Variants in FAT1 observed in about 807,000 individuals in gnomAD.
FAT1 encodes protocadherin Fat 1.
In FAT1, 171 loss-of-function variants were observed where a neutral mutation model predicts 329.8. The observed-to-expected ratio is 0.52, with a 90% confidence interval of 0.46 to 0.59. The LOEUF (loss-of-function observed/expected upper bound fraction) is 0.59. Ranked by LOEUF, FAT1 falls within the 20% of genes least tolerant of loss-of-function variation. The pLI is 0.00. For missense variants in FAT1, 5,672 were observed against 5,774.4 expected, an observed-to-expected ratio of 0.98 and a Z score of 0.57; for synonymous variants, 2,233 against 2,228.6, an observed-to-expected ratio of 1.00 and a Z score of -0.06.
At chr4:186,687,772 A>G (rs964689460) in intron 2 of FAT1, among the ~76,000 whole-genome samples, 2 of 152,350 alleles carry the variant, frequency 1.3e-5, no homozygotes, top group African/African-American at 2.4e-5. Flanking sequence ...TATTCTAAAA[A>G]TCACATTCTT....
intron 2 of FAT1, among the ~76,000 whole-genome samples, chr4:186,704,396 T>C (rs2126678688): frequency 6.6e-6 from 1 of 152,184 alleles, no homozygotes; most frequent in Non-Finnish European, 1.5e-5. Context: ...CTTAAATGTG[T>C]AGGTGAAAAA....
In FAT1 at chr4:186,603,180, G is replaced by T; in HGVS notation, c.11346C>A (p.Cys3782Ter). The part of the protein sequence containing the change: ...PRHHRAAVCL[C>*]KEGRCPPVHH... ...TCATACACTCATGTGCAGTACCTTT[G>T]CAGAGACACACCGCTGCCCTGTGGT... Residue 3782 changes from cysteine to a stop codon, truncating the protein, a stop_gained, in exon 19 of 27, where the codon TGC becomes TGA. Transcript: ENST00000441802. LOFTEE classifies it high-confidence loss of function. The T allele has an allele frequency of 6.2e-7, 1 of 1,613,668 alleles. No individual in the cohort carries two copies. Among genetic ancestry groups the T allele is most frequent in the Non-Finnish European group, 8.5e-7 (1 of 1,179,760 alleles).
intron 1 of FAT1, among the ~76,000 whole-genome samples, chr4:186,718,821 G>A (rs970375483): frequency 6.6e-5 from 10 of 151,806 alleles, no homozygotes; most frequent in Admixed American, 2.0e-4. Flanking sequence ...CTCCCTCTCC[G>A]CCAAACGCTG....
chr4:186,690,229 T>A (rs564545233), intron 2 of FAT1, among the ~76,000 whole-genome samples: 1 of 152,220 alleles, frequency 6.6e-6, no homozygotes, highest in Non-Finnish European at 1.5e-5. Flanking sequence ...AGTTTACTAT[T>A]CATTAGAATG....
chr4:186,600,123 C>T lies in FAT1; in HGVS notation c.11878G>A (p.Gly3960Arg), dbSNP rs776987734. Residue 3960 changes from glycine (G) to arginine (R), a missense_variant, in exon 22 of 27, where the codon GGA becomes AGA. Gly to Arg is a moderately radical substitution (Grantham distance 125). Around this residue, in one of 2 missense-constraint regions of FAT1, gnomAD observed 1,706 missense variants for 1,859.1 expected, o/e 0.92. Transcript: ENST00000441802. The stretch of plus-strand genomic sequence containing the variant: ...TGAGGACTTCTTCCATGCCTTGTTC[C>T]CTGCTGACGGATGTGGCCACCAAAA... ...VFFGGHIRQQ[G>R]TRHGRSPQVG... is the part of the protein sequence containing the mutation. 54 of 1,613,930 alleles carry T rather than the reference C, an allele frequency of 3.3e-5. No individual in the cohort carries two copies. The highest frequency in any genetic ancestry group is 1.6e-4 in the Middle Eastern group (1 of 6,084).
In FAT1 at chr4:186,661,373, A is replaced by G. The variant is rs551496119; in HGVS notation, c.3580+1926T>C. Among the ~76,000 whole-genome samples, 31 of 152,358 alleles carry G rather than the reference A, an allele frequency of 2.0e-4. No individual in the cohort carries two copies. The South Asian group carries it at 6.4e-3, about 32-fold the overall frequency. ...GCGGAAACGCTGCAGACAGAGGCCA[A>G]GAACAATCTCAAGAGACAGGCCTTT... is the stretch of plus-strand genomic sequence containing the variant. On this transcript the variant is annotated intron_variant, in intron 3 of 26. Coordinates refer to ENST00000441802, the MANE Select transcript of FAT1 (RefSeq NM_005245.4).
At chr4:186,671,953 A>C (rs1742751802) in intron 2 of FAT1, among the ~76,000 whole-genome samples, 1 of 152,110 alleles carries the variant, frequency 6.6e-6, no homozygotes, top group Non-Finnish European at 1.5e-5. Flanking sequence ...GGCATTTAAG[A>C]TTCTAAAATG....
chr4:186,663,703 G>A, intron 2 of FAT1, 90 bp from the exon 3 acceptor site: 1 of 981,572 alleles, frequency 1.0e-6, no homozygotes, highest in Non-Finnish European at 1.5e-6. Context: ...CTTACTGAGA[G>A]CTTTATATGT....
Position 186,621,020 on chromosome 4 carries a change from G to T in FAT1, c.5566C>A (p.Arg1856Ser). The change falls in exon 10 of 27, where the codon CGT becomes AGT. Residue 1856 changes from arginine to serine, a missense_variant. By Grantham distance (110) the Arg-to-Ser change is moderately radical. This residue lies in a region of FAT1 where 3,966 missense variants were observed against 3,915.2 expected (regional missense o/e 1.01). Transcript: ENST00000441802. Reference protein sequence around the residue: ...TVQVHDMGTPRLFAEYAANVT... With the variant: ...TVQVHDMGTPSLFAEYAANVT... ...TTCGCTGCATACTCAGCAAATAAACGTGGGGTTCCCATGTCATGCACTTGG... is the reference window on the plus strand; with the variant it reads ...TTCGCTGCATACTCAGCAAATAAACTTGGGGTTCCCATGTCATGCACTTGG... 7 of 1,612,580 alleles carry T rather than the reference G, an allele frequency of 4.3e-6. No individual in the cohort carries two copies. The highest frequency in any genetic ancestry group is 5.9e-6 in the Non-Finnish European group (7 of 1,179,858).
chr4:186,597,912 T>C (rs1738610299), intron 23 of FAT1, 60 bp downstream of exon 23: 10 of 1,572,942 alleles, frequency 6.4e-6, no homozygotes, highest in Admixed American at 1.8e-5. Flanking sequence ...ACATGTACCA[T>C]TATATGTTTA....
intron 25 of FAT1, 69 bp from the exon 26 acceptor site, chr4:186,595,895 A>G: frequency 1.3e-6 from 2 of 1,548,478 alleles, no homozygotes; most frequent in South Asian, 2.3e-5. Context: ...GAATCCTGAG[A>G]CACACCATGC....
At position 186,628,523 on chromosome 4, in the gene FAT1, G is replaced by T. The variant is rs1740434763; in HGVS notation, c.4564C>A (p.His1522Asn). Residue 1522 changes from histidine to asparagine, a missense_variant, in exon 8 of 27, where the codon CAT (histidine) becomes AAT (asparagine). Coordinates refer to ENST00000441802, the MANE Select transcript of FAT1 (RefSeq NM_005245.4). ...GSLYTSEKLDHEAVHQHTLTV... is the reference protein window; with the variant it reads ...GSLYTSEKLDNEAVHQHTLTV... ...AGGGTGTGCTGGTGAACAGCTTCAT[G>T]ATCCAGTTTCTCAGAAGTATAGAGA... 6.2e-7 allele frequency: 1 copy of T among 1,614,026 alleles called. No individual in the cohort carries two copies. The highest frequency in any genetic ancestry group is 8.5e-7 in the Non-Finnish European group (1 of 1,179,888).
At chr4:186,716,435 T>C (rs931772150) in intron 1 of FAT1, among the ~76,000 whole-genome samples, 20 of 152,092 alleles carry the variant, frequency 1.3e-4, no homozygotes, top group African/African-American at 4.6e-4. Context: ...TGCAAGCATC[T>C]TTCTTCCCCC....
At chr4:186,678,007 T>C (rs1047837658) in intron 2 of FAT1, among the ~76,000 whole-genome samples, 6 of 152,196 alleles carry the variant, frequency 3.9e-5, no homozygotes, top group African/African-American at 1.4e-4. Context: ...TAACTTTCTC[T>C]GAGAGCAAAG....
chr4:186,611,884 C>T (rs930993248), intron 13 of FAT1, 109 bp from the exon 14 acceptor site: 17 of 812,412 alleles, frequency 2.1e-5, no homozygotes, highest in African/African-American at 8.9e-5. Context: ...AGTGCAGTGG[C>T]GTGATCTTGG....
Position 186,709,853 on chromosome 4 carries a change from A to G in FAT1, c.-18-8T>C, listed in dbSNP as rs193295735. ...TGCTTAACTGTCGGGAATCTGAAAC[A>G]GAAGAAATCAGAATCGTTACCTTGG... is the stretch of plus-strand genomic sequence containing the variant. On this transcript the variant is annotated splice_polypyrimidine_tract_variant and splice_region_variant and intron_variant, in intron 1 of 26. Coordinates refer to ENST00000441802, the MANE Select transcript of FAT1 (RefSeq NM_005245.4). 1 of 1,565,026 alleles carries G rather than the reference A, an allele frequency of 6.4e-7. No homozygotes were observed. Among genetic ancestry groups the G allele is most frequent in the African/African-American group, 1.3e-5 (1 of 74,118 alleles).
chr4:186,616,166 C>T lies in FAT1; in HGVS notation c.9075+839G>A, dbSNP rs149753232. Among the ~76,000 whole-genome samples the T allele has an allele frequency of 2.8e-4, 43 of 152,200 alleles. No homozygotes were observed. The East Asian group carries it at 7.6e-3, about 27-fold the overall frequency. On this transcript the variant is annotated intron_variant, in intron 11 of 26. Transcript: ENST00000441802. ...CTCCTCCCTGTCTAAATAATGGGCA[C>T]GATGCTTCCAAACTAAGCTTAAGAA...
chr4:186,595,632 A>G, intron 26 of FAT1, 57 bp downstream of exon 26: 1 of 1,596,580 alleles, frequency 6.3e-7, no homozygotes, highest in Non-Finnish European at 8.6e-7. Flanking sequence ...ATTGTGAGAT[A>G]ACACAGTAAC....
chr4:186,709,920 C>T (rs1401564951), intron 1 of FAT1, 75 bp from the exon 2 acceptor site: 32 of 1,314,852 alleles, frequency 2.4e-5, no homozygotes, highest in Non-Finnish European at 2.9e-5. Flanking sequence ...TTTTAAACTT[C>T]TCATTAAAAA....
Sources: gnomAD v4.1 joint callset for allele counts (sites outside exome capture counted in the v4.1 genomes callset) on GRCh38, gnomAD v4.1.1 for gene constraint, gnomAD v4.1.1 regional missense constraint, MANE v1.5 for transcripts, NCBI Gene and HGNC (gene_info 2026-07-23, HGNC 2026-07-21) for gene names.